Variants in TENM3 observed in about 807,000 individuals in gnomAD.
TENM3 encodes the protein teneurin transmembrane protein 3, also known as teneurin-3.
Under a neutral mutation model 255.1 loss-of-function variants are expected in TENM3, and 63 were observed. The ratio of observed to expected loss-of-function variants is 0.25; its 90% confidence interval spans 0.20 to 0.30. TENM3 has a LOEUF of 0.30. TENM3 is among the 10% of genes least tolerant of loss of function. The probability of loss-of-function intolerance (pLI) is 1.00; values close to 1 mark genes in which losing one functional copy is unlikely to be tolerated. For missense variants in TENM3, 2,929 were observed against 3,461.1 expected (o/e 0.85, Z 3.86); for synonymous variants, 1,306 against 1,322.3 (o/e 0.99, Z 0.27).
chr4:181,592,614 T>C, the TENM3 span, among the ~76,000 whole-genome samples: 1 of 151,860 alleles, frequency 6.6e-6, no homozygotes, highest in East Asian at 1.9e-4. Flanking sequence ...GTAAAACTTT[T>C]GAGTCAAGTC....
At chr4:182,342,383 A>T (rs1325201084) in intron 2 of TENM3, among the ~76,000 whole-genome samples, 1 of 152,156 alleles carries the variant, frequency 6.6e-6, no homozygotes, top group Non-Finnish European at 1.5e-5. Context: ...AGCCAGTCAC[A>T]CAAGACCACA....
chr4:182,549,796 G>A (rs1325993509), intron 3 of TENM3, among the ~76,000 whole-genome samples: 1 of 152,120 alleles, frequency 6.6e-6, no homozygotes, highest in East Asian at 1.9e-4. Flanking sequence ...AAAAACATTA[G>A]GGCATTAAGG....
chr4:181,683,059 A>T, the TENM3 span, among the ~76,000 whole-genome samples: 11 of 151,640 alleles, frequency 7.3e-5, no homozygotes, highest in Middle Eastern at 3.4e-3. Context: ...ATAAAAATTT[A>T]AAAAAATTAA....
At chr4:182,689,651 G>A (rs1191974692) in intron 12 of TENM3, among the ~76,000 whole-genome samples, 3 of 152,170 alleles carry the variant, frequency 2.0e-5, no homozygotes, top group Non-Finnish European at 4.4e-5. Context: ...TCTCCCACTA[G>A]GAGAGGTCAT....
rs574224883 is a variant in TENM3 at position 182,481,111 on chromosome 4, A to G, written c.512-119813A>G. Among the ~76,000 whole-genome samples, 13 of 152,288 alleles carry G rather than the reference A, an allele frequency of 8.5e-5. No individual in the cohort carries two copies. The East Asian group carries it at 2.1e-3, about 25-fold the overall frequency. ...CAAAGTGAATAATTGAGAATTTGTAACACAGACTCTGAAAAATAATTCAGA... is the reference window on the plus strand; with the variant it reads ...CAAAGTGAATAATTGAGAATTTGTAGCACAGACTCTGAAAAATAATTCAGA... On this transcript the variant is annotated intron_variant, in intron 3 of 27. Coordinates refer to ENST00000511685, the MANE Select transcript of TENM3 (RefSeq NM_001080477.4).
chr4:182,665,281 A>T (rs1191396106), intron 6 of TENM3, among the ~76,000 whole-genome samples: 3 of 152,194 alleles, frequency 2.0e-5, no homozygotes, highest in Non-Finnish European at 4.4e-5. Flanking sequence ...ATGACAGCAC[A>T]TCTGTTTACA....
At chr4:182,127,051 G>A in the TENM3 span, among the ~76,000 whole-genome samples, 3 of 152,302 alleles carry the variant, frequency 2.0e-5, no homozygotes, top group East Asian at 5.8e-4. Context: ...CCCCAAGTGA[G>A]CTTTCTGTAG....
At chr4:182,723,080 G>A (rs1224852935) in intron 13 of TENM3, among the ~76,000 whole-genome samples, 4 of 152,180 alleles carry the variant, frequency 2.6e-5, no homozygotes, top group Non-Finnish European at 4.4e-5. Flanking sequence ...AGTTTTAGAT[G>A]CCTGTGCAAT....
chr4:181,773,900 T>G, the TENM3 span, among the ~76,000 whole-genome samples: 10 of 151,908 alleles, frequency 6.6e-5, no homozygotes, highest in African/African-American at 2.4e-4. Flanking sequence ...GTATTCCCCG[T>G]GAAGAAATAG....
the TENM3 span, among the ~76,000 whole-genome samples, chr4:181,458,674 G>A: frequency 6.6e-6 from 1 of 151,964 alleles, no homozygotes; most frequent in Non-Finnish European, 1.5e-5. Flanking sequence ...TCCATCTGAT[G>A]CATTGCTCCA....
At chr4:182,747,071 C>G (rs916087201) in intron 19 of TENM3, among the ~76,000 whole-genome samples, 1 of 152,132 alleles carries the variant, frequency 6.6e-6, no homozygotes, top group Non-Finnish European at 1.5e-5. Context: ...TGCTCCTTAT[C>G]CTCGCTTTCT....
At chr4:182,243,912 T>TA (rs957300628) in intron 1 of TENM3, among the ~76,000 whole-genome samples, 16 of 151,420 alleles carry the variant, frequency 1.1e-4, no homozygotes, top group African/African-American at 3.6e-4. Flanking sequence ...TGCTAACTGA[T>TA]AGACTCTTCC....
the TENM3 span, among the ~76,000 whole-genome samples, chr4:181,498,845 G>A: frequency 6.6e-6 from 1 of 152,124 alleles, no homozygotes; most frequent in East Asian, 1.9e-4. Flanking sequence ...TTTAAGTATT[G>A]ATTAGTAAGG....
At chr4:181,570,520 A>G in the TENM3 span, among the ~76,000 whole-genome samples, 7 of 152,004 alleles carry the variant, frequency 4.6e-5, no homozygotes, top group African/African-American at 1.7e-4. Context: ...GAAAAGAAAC[A>G]AAATGAACGA....
chr4:182,299,907 T>C (rs910104359), intron 1 of TENM3, among the ~76,000 whole-genome samples: 1 of 148,496 alleles, frequency 6.7e-6, no homozygotes, highest in Non-Finnish European at 1.5e-5. Flanking sequence ...TGTATTCAAG[T>C]AGATCTTTTT....
chr4:181,628,361 G>C, the TENM3 span, among the ~76,000 whole-genome samples: 1 of 152,038 alleles, frequency 6.6e-6, no homozygotes, highest in Non-Finnish European at 1.5e-5. Flanking sequence ...GTCAATTTTG[G>C]GTTTTGTTGC....
the TENM3 span, among the ~76,000 whole-genome samples, chr4:181,525,777 G>A: frequency 1.3e-5 from 2 of 152,184 alleles, no homozygotes; most frequent in African/African-American, 4.8e-5. Context: ...GGGGTGGCAG[G>A]TTTTCTTACC....
At chr4:182,388,910 G>A (rs1479090837) in intron 3 of TENM3, among the ~76,000 whole-genome samples, 1 of 152,184 alleles carries the variant, frequency 6.6e-6, no homozygotes, top group Non-Finnish European at 1.5e-5. Context: ...ACAGATGGAG[G>A]TGATGTTCTA....
At chr4:181,839,257 C>T in the TENM3 span, among the ~76,000 whole-genome samples, 1 of 147,304 alleles carries the variant, frequency 6.8e-6, no homozygotes, top group Non-Finnish European at 1.5e-5. Flanking sequence ...ATAAAGAACT[C>T]CCACTTACCC....
Sources: allele counts gnomAD v4.1 joint callset (sites outside exome capture counted in the v4.1 genomes callset), GRCh38; gene constraint gnomAD v4.1.1; transcripts MANE v1.5; gene names NCBI Gene and HGNC (gene_info 2026-07-23, HGNC 2026-07-21).